The following ITPR2 variants were observed in gnomAD, a reference collection of about 807,000 sequenced individuals.
ITPR2 encodes inositol 1,4,5-trisphosphate-gated calcium channel ITPR2.
Under a neutral mutation model 317.1 loss-of-function variants are expected in ITPR2, and 207 were observed. The ratio of observed to expected loss-of-function variants is 0.65; its 90% confidence interval spans 0.58 to 0.73. ITPR2 has a LOEUF of 0.73. Among genes scored for constraint, ITPR2 ranks in the 30% least tolerant of loss-of-function variants. ITPR2 has a pLI of 0.00. For synonymous variants in ITPR2, 1,156 were observed against 1,149.1 expected (o/e 1.01, Z -0.12); for missense variants, 2,613 against 3,284.0 (o/e 0.80, Z 4.99).
intron 37 of ITPR2, among the ~76,000 whole-genome samples, chr12:26,531,686 T>G (rs1311876805): frequency 6.9e-6 from 1 of 145,440 alleles, no homozygotes; most frequent in Non-Finnish European, 1.5e-5. Context: ...CACACACAAG[T>G]GTGTATCTGA....
At chr12:26,451,407 A>ACACACACG (rs1491224401) in intron 45 of ITPR2, among the ~76,000 whole-genome samples, 3 of 144,388 alleles carry the variant, frequency 2.1e-5, no homozygotes, top group Non-Finnish European at 4.7e-5. Flanking sequence ...ACACACACAC[A>ACACACACG]CGGAAAGTAA....
At chr12:26,378,839 C>T (rs1939421364) in intron 55 of ITPR2, among the ~76,000 whole-genome samples, 1 of 152,176 alleles carries the variant, frequency 6.6e-6, no homozygotes, top group Non-Finnish European at 1.5e-5. Context: ...TGCCAACCAG[C>T]TCTGAACGAG....
At chr12:26,631,763 C>T (rs983993692) in intron 22 of ITPR2, 103 bp downstream of exon 22, 2 of 939,926 alleles carry the variant, frequency 2.1e-6, no homozygotes, top group African/African-American at 1.7e-5. Flanking sequence ...ATATTGATAG[C>T]ATTTCAGAAT....
chr12:26,804,094 G>A (rs1950602912), intron 1 of ITPR2, among the ~76,000 whole-genome samples: 1 of 152,036 alleles, frequency 6.6e-6, no homozygotes, highest in South Asian at 2.1e-4. Context: ...GAGTCAACTA[G>A]TAAATAGAAT....
In ITPR2 at chr12:26,659,369, T is replaced by C. The variant is rs770678520; in HGVS notation, c.1714-84A>G. ...TATTAGGGTCAACAACATTGATTAA[T>C]TTATTCACAACAGAAGGTTCACTAA... On this transcript the variant is annotated intron_variant, in intron 15 of 56. Transcript: ENST00000381340. The C allele has an allele frequency of 9.4e-4, 1,116 of 1,193,186 alleles. 18 individuals carry two copies. Among genetic ancestry groups the C allele is most frequent in the Non-Finnish European group, 1.8e-4 (148 of 836,208 alleles). The allele number at this position is 1,193,186 out of a possible 1,614,324, so 73.9% of individuals were successfully genotyped here.
chr12:26,359,630 C>G (rs943346120), intron 55 of ITPR2, among the ~76,000 whole-genome samples: 21 of 151,880 alleles, frequency 1.4e-4, no homozygotes, highest in African/African-American at 5.1e-4. Context: ...TTAGAACATG[C>G]TTTTGGTGGG....
intron 37 of ITPR2, among the ~76,000 whole-genome samples, chr12:26,545,640 A>T (rs2136993651): frequency 6.6e-6 from 1 of 152,328 alleles, no homozygotes; most frequent in East Asian, 1.9e-4. Context: ...GAAAAAATAC[A>T]GTCATGGAAA....
Position 26,401,471 on chromosome 12 carries a change from T to G in ITPR2, c.7400-1213A>C, listed in dbSNP as rs549500379. On this transcript the variant is annotated intron_variant, in intron 52 of 56. Transcript: ENST00000381340. ...ACATAATGTGACAGAAAAATTCCTA[T>G]TCTTATTTTGTTTAAAGGTATTGGG... Among the ~76,000 whole-genome samples, 3 of 152,328 alleles carry G rather than the reference T, an allele frequency of 2.0e-5. No individual in the cohort carries two copies. The South Asian group carries it at 6.2e-4, about 32-fold the overall frequency.
chr12:26,603,420 C>T (rs1476330062), intron 26 of ITPR2, among the ~76,000 whole-genome samples: 1 of 152,138 alleles, frequency 6.6e-6, no homozygotes, highest in East Asian at 1.9e-4. Flanking sequence ...CTACTGGCGT[C>T]ACCTTATGAA....
intron 9 of ITPR2, among the ~76,000 whole-genome samples, chr12:26,707,091 C>T (rs1248039903): frequency 6.6e-6 from 1 of 152,132 alleles, no homozygotes; most frequent in Non-Finnish European, 1.5e-5. Flanking sequence ...ATATAATTAG[C>T]CCTCCCTGAT....
chr12:26,492,976 A>C (rs1476430368), intron 39 of ITPR2, among the ~76,000 whole-genome samples: 1 of 151,746 alleles, frequency 6.6e-6, no homozygotes, highest in Non-Finnish European at 1.5e-5. Flanking sequence ...AAATATACAC[A>C]ATGATTATTT....
chr12:26,722,559 T>C lies in ITPR2; in HGVS notation c.367-4A>G, dbSNP rs1948855726. The C allele has an allele frequency of 9.3e-6, 15 of 1,605,496 alleles. No homozygotes were observed. Among genetic ancestry groups the C allele is most frequent in the Non-Finnish European group, 9.4e-6 (11 of 1,173,558 alleles). ...TGTTGCTTTTTATATGCAGTAGCTA[T>C]AGGGAAAAGACATAGATTACCACCT... On this transcript the variant is annotated splice_region_variant and splice_polypyrimidine_tract_variant and intron_variant, in intron 4 of 56. Coordinates refer to ENST00000381340, the MANE Select transcript of ITPR2 (RefSeq NM_002223.4).
At chr12:26,375,616 A>G (rs756263881) in intron 55 of ITPR2, among the ~76,000 whole-genome samples, 5 of 152,220 alleles carry the variant, frequency 3.3e-5, no homozygotes, top group Non-Finnish European at 5.9e-5. Flanking sequence ...TTATTAAATA[A>G]CAGGGATAGG....
intron 37 of ITPR2, among the ~76,000 whole-genome samples, chr12:26,496,482 G>A (rs1446209624): frequency 1.3e-5 from 2 of 152,086 alleles, no homozygotes; most frequent in Non-Finnish European, 2.9e-5. Flanking sequence ...AATCACTTCT[G>A]CTGGTCTGCC....
rs1937896543 is a variant in ITPR2, at chr12:26,335,751, C to T, written c.*3646G>A. 1 of 152,208 alleles carries T rather than the reference C, an allele frequency of 6.6e-6. No homozygotes were observed. The highest frequency in any genetic ancestry group is 2.1e-4 in the South Asian group (1 of 4,830). 9.4% of individuals were successfully genotyped at this position (152,208 alleles called of 1,614,324 possible). A position where few individuals can be genotyped will look rare whatever the true frequency, so the allele number is the denominator to read the frequency against. ...GCTGTCAAATTTTGAGAATACAGAG[C>T]TTCCCACGGCCTCCCCCATCCCTGC... is the stretch of plus-strand genomic sequence containing the variant. On this transcript the variant is annotated 3_prime_UTR_variant, in exon 57 of 57. Transcript: ENST00000381340.
chr12:26,410,659 A>C (rs1940519469), intron 52 of ITPR2, among the ~76,000 whole-genome samples: 1 of 151,894 alleles, frequency 6.6e-6, no homozygotes, highest in African/African-American at 2.4e-5. Context: ...GAAGACATAC[A>C]CTCCCTAAAT....
Position 26,806,536 on chromosome 12 carries a change from A to T in ITPR2, c.93-16309T>A, listed in dbSNP as rs189221822. On this transcript the variant is annotated intron_variant, in intron 1 of 56. Coordinates refer to ENST00000381340, the MANE Select transcript of ITPR2 (RefSeq NM_002223.4). ...TGTGTCAAGTACCACATTACCTTCT[A>T]GTTGAATCCCTTCACTACGTCTTAA... 2.3e-4 allele frequency among the ~76,000 whole-genome samples: 35 copies of T among 152,336 alleles called. 1 individual carries two copies. Among genetic ancestry groups the T allele is most frequent in the Admixed American group, 2.3e-3 (35 of 15,308 alleles).
intron 45 of ITPR2, among the ~76,000 whole-genome samples, chr12:26,465,614 G>A (rs577112270): frequency 1.1e-4 from 15 of 140,210 alleles, no homozygotes; most frequent in Non-Finnish European, 1.6e-4. Flanking sequence ...TCCCTCTGGC[G>A]CCCTCTCTCT....
In ITPR2 at chr12:26,624,357, C is replaced by T. The variant is rs1352265090; in HGVS notation, c.3065-1G>A. On this transcript the variant is annotated splice_acceptor_variant, in intron 23 of 56. Coordinates refer to ENST00000381340, the MANE Select transcript of ITPR2 (RefSeq NM_002223.4). LOFTEE classifies it high-confidence loss of function. ...ATTTCATCTATATCAGGAACAATAG[C>T]TGCAAAGATAAATGGTAAAATCTCT... 5 of 1,604,234 alleles carry T rather than the reference C, an allele frequency of 3.1e-6. No homozygotes were observed. The highest frequency in any genetic ancestry group is 4.3e-6 in the Non-Finnish European group (5 of 1,173,716).
Sources: allele counts gnomAD v4.1 joint callset (sites outside exome capture counted in the v4.1 genomes callset), GRCh38; gene constraint gnomAD v4.1.1; transcripts MANE v1.5; gene names NCBI Gene and HGNC (gene_info 2026-07-23, HGNC 2026-07-21).